NBDY: variants seen among roughly 807,000 people sequenced by gnomAD.
The protein encoded by NBDY is P-body dissociating protein.
At chrX:56,783,922 T>C (rs2069712149) in intron 2 of NBDY, among the ~76,000 whole-genome samples, 1 of 110,898 alleles carries the variant, frequency 9.0e-6, no homozygotes, top group Admixed American at 9.3e-5. Flanking sequence ...GTGGTCACTT[T>C]GGGGGAAGGT....
chrX:56,784,242 C>T (rs753812199), intron 2 of NBDY, among the ~76,000 whole-genome samples: 1 of 112,158 alleles, frequency 8.9e-6, no homozygotes, highest in South Asian at 3.7e-4. Context: ...GGGGAAGGGA[C>T]CAAATCTTGT....
chrX:56,811,803 T>C (rs1222684724), intron 2 of NBDY, among the ~76,000 whole-genome samples: 1 of 110,750 alleles, frequency 9.0e-6, no homozygotes, highest in Non-Finnish European at 1.9e-5. Context: ...CACTGAGGCA[T>C]GAAAAAAAAA....
chrX:56,793,368 G>A (rs2069774379), intron 2 of NBDY, among the ~76,000 whole-genome samples: 1 of 111,841 alleles, frequency 8.9e-6, no homozygotes, highest in East Asian at 2.8e-4. Context: ...AAGGGCAAAG[G>A]CTGGCTGCCT....
chrX:56,764,570 G>C (rs1178031436), intron 2 of NBDY, among the ~76,000 whole-genome samples: 1 of 110,386 alleles, frequency 9.1e-6, no homozygotes, highest in Non-Finnish European at 1.9e-5. Flanking sequence ...GCAGGTGTCC[G>C]TGCATCCTGT....
intron 2 of NBDY, among the ~76,000 whole-genome samples, chrX:56,765,201 T>A (rs1356778552): frequency 8.9e-6 from 1 of 112,225 alleles, no homozygotes; most frequent in Non-Finnish European, 1.9e-5. Context: ...AGCTGACCCC[T>A]GCGAGGAGAA....
At chrX:56,791,304 C>A (rs772781354) in intron 2 of NBDY, among the ~76,000 whole-genome samples, 25 of 112,074 alleles carry the variant, frequency 2.2e-4, no homozygotes, top group Non-Finnish European at 3.0e-4. Context: ...TCTAGCTGAC[C>A]CCTGTGGGGA....
intron 2 of NBDY, among the ~76,000 whole-genome samples, chrX:56,735,624 C>G (rs1323786885): frequency 1.8e-5 from 2 of 112,002 alleles, no homozygotes; most frequent in South Asian, 7.4e-4. Context: ...TTTGAGATGC[C>G]TCAGTTCTAG....
Position 56,818,067 on chromosome X carries a change from C to A in NBDY, c.*914C>A, listed in dbSNP as rs2069918722. 9.0e-6 allele frequency: 1 copy of A among 110,811 alleles called. No homozygotes were observed. Among genetic ancestry groups the A allele is most frequent in the African/African-American group, 3.3e-5 (1 of 30,557 alleles). 9.1% of individuals were successfully genotyped at this position (110,811 alleles called of 1,213,427 possible). On this transcript the variant is annotated 3_prime_UTR_variant, in exon 3 of 3. Transcript: ENST00000374922. ...TATTTCATATAGTTCATAAATGTTT[C>A]AGGAATTACAAGGTTATAGAAAAAA...
At chrX:56,805,059 C>A (rs1036118140) in intron 2 of NBDY, among the ~76,000 whole-genome samples, 1 of 112,310 alleles carries the variant, frequency 8.9e-6, no homozygotes, top group African/African-American at 3.2e-5. Context: ...GGGGTATGAC[C>A]TACTCTCACG....
At position 56,799,845 on chromosome X, in the gene NBDY, G is replaced by A. The variant is rs913203425; in HGVS notation, c.*167-17475G>A. ...CTCCCCACCTATGTGGTTACTTTGG[G>A]GAAACTTGCAACAGTAGGAGTGATG... On this transcript the variant is annotated intron_variant, in intron 2 of 2. Transcript: ENST00000374922. Among the ~76,000 whole-genome samples the A allele has an allele frequency of 8.9e-5, 10 of 112,631 alleles. No homozygotes were observed. In the Admixed American group the frequency reaches 9.3e-4, roughly 10 times the overall value.
intron 2 of NBDY, among the ~76,000 whole-genome samples, chrX:56,758,661 A>T (rs2069623255): frequency 9.0e-6 from 1 of 111,706 alleles, no homozygotes; most frequent in Non-Finnish European, 1.9e-5. Flanking sequence ...GCTGAAGTGC[A>T]TGGGTAGCCA....
intron 2 of NBDY, among the ~76,000 whole-genome samples, chrX:56,796,753 C>T: frequency 9.0e-6 from 1 of 111,219 alleles, no homozygotes; most frequent in South Asian, 3.9e-4. Flanking sequence ...ATCCTCAGGG[C>T]ACTGTTCAGC....
rs746444630 is a variant in NBDY at position 56,802,886 on chromosome X, G to A, written c.*167-14434G>A. Among the ~76,000 whole-genome samples, 9 of 112,584 alleles carry A rather than the reference G, an allele frequency of 8.0e-5. 1 individual carries two copies. The highest frequency in any genetic ancestry group is 8.3e-3 in the Middle Eastern group (2 of 240). ...GTCGTAGGGTCCCTTAAGTTTGGTGGTCAACCTGAGACCAGGTGGCTGGCT... is the reference window on the plus strand; with the variant it reads ...GTCGTAGGGTCCCTTAAGTTTGGTGATCAACCTGAGACCAGGTGGCTGGCT... On this transcript the variant is annotated intron_variant, in intron 2 of 2. Transcript: ENST00000374922.
intron 2 of NBDY, among the ~76,000 whole-genome samples, chrX:56,742,823 C>T (rs190009393): frequency 1.1e-3 from 119 of 111,444 alleles, no homozygotes; most frequent in African/African-American, 3.7e-3. Flanking sequence ...ATTTCTTTCT[C>T]TTGTCTGATT....
chrX:56,746,338 T>A (rs1269641093), intron 2 of NBDY, among the ~76,000 whole-genome samples: 1 of 111,207 alleles, frequency 9.0e-6, no homozygotes, highest in Non-Finnish European at 1.9e-5. Flanking sequence ...TATGATATGA[T>A]CGAGTTCCTC....
intron 2 of NBDY, among the ~76,000 whole-genome samples, chrX:56,813,844 C>T (rs1678669390): frequency 9.0e-6 from 1 of 111,643 alleles, no homozygotes; most frequent in African/African-American, 3.3e-5. Flanking sequence ...AACTTACACT[C>T]GGAAAGGATC....
At chrX:56,796,265 T>C (rs1161300064) in intron 2 of NBDY, among the ~76,000 whole-genome samples, 2 of 112,253 alleles carry the variant, frequency 1.8e-5, no homozygotes, top group Non-Finnish European at 3.8e-5. Flanking sequence ...TCCTGGCTGA[T>C]GGCTCCCTCT....
intron 2 of NBDY, among the ~76,000 whole-genome samples, chrX:56,732,413 A>G (rs943638916): frequency 8.9e-6 from 1 of 112,045 alleles, no homozygotes; most frequent in Non-Finnish European, 1.9e-5. Context: ...TTCTATTATT[A>G]CTGTGAAATA....
rs1350800196 is a variant in NBDY, at chrX:56,729,338, C to T, written c.-16C>T. The T allele has an allele frequency of 6.8e-6, 2 of 294,439 alleles. No homozygotes were observed. The highest frequency in any genetic ancestry group is 1.2e-5 in the Non-Finnish European group (2 of 169,594). 24.3% of individuals were successfully genotyped at this position (294,439 alleles called of 1,213,427 possible). A position where few individuals can be genotyped will look rare whatever the true frequency, so the allele number is the denominator to read the frequency against. ...GGCCCACCGGAGAAAACTGACGACC[C>T]GTTTCTGTAATCCTTATGGGAGACC... is the stretch of plus-strand genomic sequence containing the variant. On this transcript the variant is annotated 5_prime_UTR_variant, in exon 1 of 3. Coordinates refer to ENST00000374922, the MANE Select transcript of NBDY (RefSeq NM_001348129.2).
Sources: allele counts gnomAD v4.1 joint callset (sites outside exome capture counted in the v4.1 genomes callset), GRCh38; gene constraint gnomAD v4.1.1; transcripts MANE v1.5; gene names NCBI Gene and HGNC (gene_info 2026-07-23, HGNC 2026-07-21).